The following CENPC variants were observed in gnomAD, a reference collection of about 807,000 sequenced individuals.
The protein encoded by CENPC is centromere protein C.
In CENPC, 63 loss-of-function variants were observed where a neutral mutation model predicts 112.1. The observed-to-expected ratio is 0.56, with a 90% CI of 0.46 to 0.69. The LOEUF is 0.69. Among genes scored for constraint, CENPC ranks in the 30% least tolerant of loss-of-function variants. CENPC has a pLI of 0.00. For synonymous variants in CENPC, 333 were observed against 367.6 expected, an observed-to-expected ratio of 0.91 and a Z score of 1.08; for missense variants, 1,000 against 1,103.8, an observed-to-expected ratio of 0.91 and a Z score of 1.33.
intron 13 of CENPC, among the ~76,000 whole-genome samples, chr4:67,494,593 G>A (rs1033959689): frequency 6.6e-6 from 1 of 152,192 alleles, no homozygotes; most frequent in Non-Finnish European, 1.5e-5. Context: ...GGTAATCTGA[G>A]TATGAGTGAA....
At chr4:67,519,189 C>A (rs756493127) in intron 6 of CENPC, 28 bp downstream of exon 6, 33 of 1,483,530 alleles carry the variant, frequency 2.2e-5, no homozygotes, top group Non-Finnish European at 2.9e-5. Context: ...TTTTAAAGTG[C>A]GTTAACATTA....
chr4:67,500,933 T>G (rs1382986599), intron 12 of CENPC, among the ~76,000 whole-genome samples: 1 of 152,158 alleles, frequency 6.6e-6, no homozygotes, highest in Non-Finnish European at 1.5e-5. Context: ...TCCACAATAA[T>G]ATTTATCAAT....
chr4:67,475,026 T>C (rs747160224), intron 17 of CENPC, 48 bp from the exon 18 acceptor site: 10 of 1,013,338 alleles, frequency 9.9e-6, no homozygotes, highest in East Asian at 2.6e-5. Context: ...ACCATGATAA[T>C]ACTTCAAAGG....
rs1228754108 is a variant in CENPC at position 67,471,268 on chromosome 4, T to TA, written c.*1336dup. 2.6e-5 allele frequency: 4 copies of TA among 152,200 alleles called. No homozygotes were observed. The highest frequency in any genetic ancestry group is 5.9e-5 in the Non-Finnish European group (4 of 68,028). The allele number at this position is 152,200 out of a possible 1,614,324, so 9.4% of individuals were successfully genotyped here. ...CAATAACTTCACATCATATATAAGA[T>TA]AGATTCCACAATTTGAGTCCAGTCA... is the stretch of plus-strand genomic sequence containing the variant. On this transcript the variant is annotated 3_prime_UTR_variant, in exon 19 of 19. Coordinates refer to ENST00000273853, the MANE Select transcript of CENPC (RefSeq NM_001812.4).
At chr4:67,487,475 A>G (rs1161880558) in intron 17 of CENPC, among the ~76,000 whole-genome samples, 1 of 151,746 alleles carries the variant, frequency 6.6e-6, no homozygotes, top group Non-Finnish European at 1.5e-5. Flanking sequence ...CCCAATCTTA[A>G]TGGTTTCTGA....
chr4:67,524,129 G>A (rs905440469), intron 5 of CENPC, among the ~76,000 whole-genome samples: 2 of 151,882 alleles, frequency 1.3e-5, no homozygotes, highest in African/African-American at 4.8e-5. Context: ...ACTACAAAAT[G>A]ATAAACCTCT....
At chr4:67,542,289 A>G (rs1378039392) in intron 2 of CENPC, among the ~76,000 whole-genome samples, 1 of 152,188 alleles carries the variant, frequency 6.6e-6, no homozygotes, top group East Asian at 1.9e-4. Context: ...GCTGTGTTCC[A>G]ATAAAATTGA....
chr4:67,539,586 G>A (rs1248841756), intron 4 of CENPC, among the ~76,000 whole-genome samples: 9 of 152,062 alleles, frequency 5.9e-5, no homozygotes, highest in Non-Finnish European at 1.3e-4. Flanking sequence ...AACCTAATTT[G>A]AGTATTATTT....
rs1727006190 is a variant in CENPC at position 67,545,417 on chromosome 4, C to T, written c.-62G>A. Reference sequence around the variant, plus strand: ...TGGAAGCCCACACGGACCACAGCTCCAGGAAGCCGAGCAAGAAACGAATCG... The same window carrying T: ...TGGAAGCCCACACGGACCACAGCTCTAGGAAGCCGAGCAAGAAACGAATCG... On this transcript the variant is annotated 5_prime_UTR_variant, in exon 1 of 19. Coordinates refer to ENST00000273853, the MANE Select transcript of CENPC (RefSeq NM_001812.4). The T allele has an allele frequency of 6.9e-7, 1 of 1,443,334 alleles. No homozygotes were observed. Among genetic ancestry groups the T allele is most frequent in the Non-Finnish European group, 9.2e-7 (1 of 1,091,954 alleles). 89.4% of individuals were successfully genotyped at this position (1,443,334 alleles called of 1,614,324 possible).
intron 4 of CENPC, among the ~76,000 whole-genome samples, chr4:67,539,215 C>G (rs1440535740): frequency 3.3e-5 from 5 of 152,142 alleles, no homozygotes; most frequent in African/African-American, 1.2e-4. Flanking sequence ...CCTCTCAATT[C>G]TGAAAGAAAT....
intron 4 of CENPC, 100 bp from the exon 5 acceptor site, chr4:67,531,014 AAAC>A (rs747411122): frequency 3.7e-6 from 2 of 545,448 alleles, no homozygotes; most frequent in Non-Finnish European, 6.3e-6. Flanking sequence ...AAGTATTCTA[AAAC>A]AACAAACCAG....
At chr4:67,491,461 A>AT (rs1560423135) in intron 16 of CENPC, among the ~76,000 whole-genome samples, 1 of 62,514 alleles carries the variant, frequency 1.6e-5, no homozygotes, top group Non-Finnish European at 3.3e-5. Flanking sequence ...ATATATATAT[A>AT]TATATATATA....
intron 15 of CENPC, 78 bp from the exon 16 acceptor site, chr4:67,492,353 T>C (rs1358816430): frequency 3.6e-6 from 3 of 844,234 alleles, no homozygotes; most frequent in Middle Eastern, 2.3e-4. Context: ...GTACAAAATA[T>C]AGCTATAGAG....
chr4:67,514,224 C>T lies in CENPC; in HGVS notation c.1294G>A (p.Glu432Lys). The change falls in exon 8 of 19, where the codon GAA becomes AAA. Residue 432 changes from glutamate (E) to lysine (K), a missense_variant. Physicochemically the swap from Glu to Lys is moderately conservative, Grantham distance 56. Coordinates refer to ENST00000273853, the MANE Select transcript of CENPC (RefSeq NM_001812.4). ...TTAGACTGTCCCACATCAAGCTGTT[C>T]TTCAGCTGGTTTAGCCATGAATTTT... ...RRKFMAKPAE[E>K]QLDVGQSKDE... is the part of the protein sequence containing the mutation. 6.2e-7 allele frequency: 1 copy of T among 1,613,172 alleles called. No individual in the cohort carries two copies. The highest frequency in any genetic ancestry group is 8.5e-7 in the Non-Finnish European group (1 of 1,179,596).
At chr4:67,501,529 A>G (rs1369063311) in intron 12 of CENPC, among the ~76,000 whole-genome samples, 1 of 152,204 alleles carries the variant, frequency 6.6e-6, no homozygotes, top group Non-Finnish European at 1.5e-5. Flanking sequence ...CATGGCAGCT[A>G]AATGCAGTCG....
chr4:67,539,243 T>A (rs1050737683), intron 4 of CENPC, among the ~76,000 whole-genome samples: 10 of 152,354 alleles, frequency 6.6e-5, no homozygotes, highest in Admixed American at 6.5e-4. Flanking sequence ...TCTGCATTGC[T>A]TGGAACCAAA....
At chr4:67,500,601 G>A (rs1489321261) in intron 12 of CENPC, among the ~76,000 whole-genome samples, 2 of 152,058 alleles carry the variant, frequency 1.3e-5, no homozygotes, top group African/African-American at 4.8e-5. Context: ...AGCACACAGA[G>A]ACCAGCTGAA....
chr4:67,536,696 CTG>C (rs1726728344), intron 4 of CENPC, among the ~76,000 whole-genome samples: 1 of 151,318 alleles, frequency 6.6e-6, no homozygotes, highest in Admixed American at 6.6e-5. Context: ...TACAAAGTCT[CTG>C]TTGTTTTGAA....
chr4:67,538,367 A>T (rs539004994), intron 4 of CENPC, among the ~76,000 whole-genome samples: 57 of 152,326 alleles, frequency 3.7e-4, no homozygotes, highest in Middle Eastern at 3.4e-3. Context: ...TTAGAGCACA[A>T]TGTCTTAAAA....
Sources: gnomAD v4.1 joint callset for allele counts (sites outside exome capture counted in the v4.1 genomes callset) on GRCh38, gnomAD v4.1.1 for gene constraint, MANE v1.5 for transcripts, NCBI Gene and HGNC (gene_info 2026-07-23, HGNC 2026-07-21) for gene names.